The following NELL2 variants were observed in gnomAD, a reference collection of about 807,000 sequenced individuals.
The protein encoded by NELL2 is protein kinase C-binding protein NELL2.
A neutral mutation model predicts 109.6 loss-of-function variants in NELL2; 41 were observed. The observed-to-expected ratio is 0.37, with a 90% CI of 0.29 to 0.49. NELL2 has a LOEUF of 0.49. NELL2 is among the 20% of genes least tolerant of loss of function. The pLI, the probability that NELL2 is intolerant of heterozygous loss-of-function variation, is 0.98. For synonymous variants in NELL2, 355 were observed against 344.7 expected (o/e 1.03, Z -0.33); for missense variants, 900 against 1,008.3 (o/e 0.89, Z 1.45).
At chr12:44,580,503 G>T (rs542577354) in intron 15 of NELL2, among the ~76,000 whole-genome samples, 1 of 152,122 alleles carries the variant, frequency 6.6e-6, no homozygotes. Context: ...GATTGCCTGA[G>T]CTCGGGAGTT....
intron 9 of NELL2, among the ~76,000 whole-genome samples, chr12:44,749,206 C>T (rs1458442500): frequency 6.6e-6 from 1 of 152,064 alleles, no homozygotes; most frequent in African/African-American, 2.4e-5. Context: ...GGCAAACTGC[C>T]AAAGAAATTT....
At chr12:44,587,307 A>ATATATATATATTT (rs1302978950) in intron 15 of NELL2, among the ~76,000 whole-genome samples, 45 of 96,642 alleles carry the variant, frequency 4.7e-4, no homozygotes, top group African/African-American at 1.9e-3. Flanking sequence ...ATATATATAT[A>ATATATATATATTT]TTTTTTTTTA....
chr12:44,784,877 T>C (rs1422658164), intron 3 of NELL2, among the ~76,000 whole-genome samples: 2 of 152,196 alleles, frequency 1.3e-5, no homozygotes, highest in African/African-American at 2.4e-5. Flanking sequence ...GGATGGAACG[T>C]ATCTCAAAAT....
At chr12:44,641,199 A>G (rs1946841836) in intron 13 of NELL2, among the ~76,000 whole-genome samples, 1 of 152,234 alleles carries the variant, frequency 6.6e-6, no homozygotes, top group African/African-American at 2.4e-5. Context: ...AAAAATCTGT[A>G]CGTACATAAT....
intron 13 of NELL2, among the ~76,000 whole-genome samples, chr12:44,662,488 A>G (rs545130161): frequency 6.6e-6 from 1 of 152,300 alleles, no homozygotes; most frequent in East Asian, 1.9e-4. Flanking sequence ...AATCTCTCTG[A>G]GCCTCAGTTT....
At chr12:44,515,842 G>C (rs1941235804) in intron 19 of NELL2, among the ~76,000 whole-genome samples, 1 of 151,844 alleles carries the variant, frequency 6.6e-6, no homozygotes, top group Admixed American at 6.6e-5. Context: ...ATCAAGATTA[G>C]AAGACAGTCA....
intron 15 of NELL2, among the ~76,000 whole-genome samples, chr12:44,544,909 A>G (rs1354170916): frequency 6.6e-6 from 1 of 152,016 alleles, no homozygotes. Context: ...TTGAGATTAC[A>G]GAGAGACAAG....
At chr12:44,907,565 G>T (rs1275329341) in intron 1 of NELL2, among the ~76,000 whole-genome samples, 3 of 152,042 alleles carry the variant, frequency 2.0e-5, no homozygotes, top group Non-Finnish European at 2.9e-5. Flanking sequence ...GTTTGAAATG[G>T]TTGAAGATAA....
At chr12:44,684,571 CT>C (rs1398916378) in intron 12 of NELL2, among the ~76,000 whole-genome samples, 1 of 152,082 alleles carries the variant, frequency 6.6e-6, no homozygotes, top group East Asian at 1.9e-4. Context: ...ATAAATTTCC[CT>C]CTACACACTG....
chr12:44,757,316 C>T (rs1410446497), intron 9 of NELL2, among the ~76,000 whole-genome samples: 1 of 152,108 alleles, frequency 6.6e-6, no homozygotes, highest in Non-Finnish European at 1.5e-5. Flanking sequence ...CTTTTTCAAC[C>T]CAGTTCCCAC....
At chr12:44,850,430 A>T (rs1048329926) in intron 2 of NELL2, among the ~76,000 whole-genome samples, 4 of 152,052 alleles carry the variant, frequency 2.6e-5, no homozygotes, top group Non-Finnish European at 5.9e-5. Context: ...GAATCAGGAG[A>T]GCCATTTAAA....
At chr12:44,894,673 T>C (rs1418492207) in intron 1 of NELL2, among the ~76,000 whole-genome samples, 1 of 152,196 alleles carries the variant, frequency 6.6e-6, no homozygotes, top group Non-Finnish European at 1.5e-5. Context: ...CATCATAAAT[T>C]ATCTCATCCA....
At position 44,815,988 on chromosome 12, in the gene NELL2, G is replaced by A. The variant is rs776927200; in HGVS notation, c.333C>T (p.His111=). The A allele has an allele frequency of 2.9e-5, 46 of 1,610,520 alleles. No homozygotes were observed. Among genetic ancestry groups the A allele is most frequent in the Non-Finnish European group, 3.6e-5 (42 of 1,179,092 alleles). ...GVILSIHHLD[H]RYLELESSGH... is the part of the protein sequence containing the mutation. Reference sequence around the variant, plus strand: ...GAAACTCCAGCAACCACATTTACCTGTGATCCAAGTGGTGAATTGAGAGAA... The same window carrying A: ...GAAACTCCAGCAACCACATTTACCTATGATCCAAGTGGTGAATTGAGAGAA... Residue 111 remains histidine, a splice_region_variant and synonymous_variant, in exon 3 of 20, where the codon CAC becomes CAT. Coordinates refer to ENST00000429094, the MANE Select transcript of NELL2 (RefSeq NM_001145108.2).
At chr12:44,829,632 T>G (rs962345669) in intron 2 of NELL2, among the ~76,000 whole-genome samples, 1 of 152,138 alleles carries the variant, frequency 6.6e-6, no homozygotes, top group African/African-American at 2.4e-5. Context: ...TCTTTAAGAG[T>G]ACATGAAAAG....
chr12:44,597,536 C>T (rs1164803017), intron 15 of NELL2, among the ~76,000 whole-genome samples: 2 of 152,204 alleles, frequency 1.3e-5, no homozygotes, highest in Non-Finnish European at 2.9e-5. Flanking sequence ...ACTTTTGGCT[C>T]ATACTTAACT....
At chr12:44,559,758 TAGAC>T (rs1277735456) in intron 15 of NELL2, among the ~76,000 whole-genome samples, 1 of 152,130 alleles carries the variant, frequency 6.6e-6, no homozygotes, top group Non-Finnish European at 1.5e-5. Context: ...CCATCAATAT[TAGAC>T]AGATCAATGA....
chr12:44,879,011 G>A (rs968267330), upstream of NELL2, among the ~76,000 whole-genome samples: 4 of 152,082 alleles, frequency 2.6e-5, no homozygotes, highest in Admixed American at 2.0e-4. Context: ...AGATTATCTG[G>A]GTATGCCCAA....
intron 13 of NELL2, among the ~76,000 whole-genome samples, chr12:44,639,967 AC>A (rs1946790858): frequency 6.6e-6 from 1 of 152,190 alleles, no homozygotes; most frequent in Middle Eastern, 3.4e-3. Context: ...CCTTAAACAT[AC>A]CAACCTTTTA....
chr12:44,735,582 G>A (rs551753371), intron 9 of NELL2, among the ~76,000 whole-genome samples: 31 of 152,138 alleles, frequency 2.0e-4, no homozygotes, highest in African/African-American at 6.3e-4. Context: ...TAGGTTCTTC[G>A]CTTTTGTTTC....
Sources: gnomAD v4.1 joint callset for allele counts (sites outside exome capture counted in the v4.1 genomes callset) on GRCh38, gnomAD v4.1.1 for gene constraint, MANE v1.5 for transcripts, NCBI Gene and HGNC (gene_info 2026-07-23, HGNC 2026-07-21) for gene names.